Variants in ST6GALNAC3 observed in about 807,000 individuals in gnomAD.
ST6GALNAC3 encodes the protein ST6 N-acetylgalactosaminide alpha-2,6-sialyltransferase 3, also known as alpha-N-acetylgalactosaminide alpha-2,6-sialyltransferase 3.
In ST6GALNAC3, 25 loss-of-function variants were observed where a neutral mutation model predicts 32.7. The observed-to-expected ratio is 0.76, with a 90% CI of 0.56 to 1.07. The LOEUF (loss-of-function observed/expected upper bound fraction) is 1.07. Ranked by LOEUF, ST6GALNAC3 falls within the 50% of genes least tolerant of loss-of-function variation. The pLI is 0.00. For synonymous variants in ST6GALNAC3, 129 were observed against 133.1 expected, an observed-to-expected ratio of 0.97 and a Z score of 0.21; for missense variants, 355 against 382.4, an observed-to-expected ratio of 0.93 and a Z score of 0.60.
chr1:76,217,496 C>T (rs1655530588), intron 1 of ST6GALNAC3, among the ~76,000 whole-genome samples: 1 of 152,158 alleles, frequency 6.6e-6, no homozygotes, highest in Non-Finnish European at 1.5e-5. Context: ...TTCCTTGTGA[C>T]TTTGCAAACA....
intron 1 of ST6GALNAC3, among the ~76,000 whole-genome samples, chr1:76,124,631 T>C (rs1204805132): frequency 6.6e-6 from 1 of 152,202 alleles, no homozygotes; most frequent in East Asian, 1.9e-4. Context: ...GCCCCAACTT[T>C]TTTCCCTCTT....
chr1:76,479,882 G>T (rs564277186), intron 3 of ST6GALNAC3, among the ~76,000 whole-genome samples: 1 of 151,942 alleles, frequency 6.6e-6, no homozygotes, highest in East Asian at 1.9e-4. Flanking sequence ...AAACTTAAAA[G>T]ATTTATAAGC....
At chr1:76,077,586 C>T (rs1177845241) in intron 1 of ST6GALNAC3, among the ~76,000 whole-genome samples, 4 of 152,138 alleles carry the variant, frequency 2.6e-5, no homozygotes, top group African/African-American at 9.6e-5. Flanking sequence ...TGGGCTGGGG[C>T]AGTCGATTGT....
intron 3 of ST6GALNAC3, among the ~76,000 whole-genome samples, chr1:76,538,962 A>G (rs878923809): frequency 1.3e-5 from 2 of 152,236 alleles, no homozygotes; most frequent in Non-Finnish European, 2.9e-5. Flanking sequence ...TATAGATTCA[A>G]TGCTATTCCC....
At chr1:76,081,960 G>A (rs1165284427) in intron 1 of ST6GALNAC3, among the ~76,000 whole-genome samples, 1 of 152,090 alleles carries the variant, frequency 6.6e-6, no homozygotes, top group Non-Finnish European at 1.5e-5. Context: ...AAGTGGAAAT[G>A]GCAAAAAACG....
chr1:76,168,006 G>T (rs1652236404), intron 1 of ST6GALNAC3, among the ~76,000 whole-genome samples: 1 of 151,610 alleles, frequency 6.6e-6, no homozygotes, highest in Non-Finnish European at 1.5e-5. Flanking sequence ...CTCTGATTTT[G>T]GTTATTTCTT....
intron 3 of ST6GALNAC3, among the ~76,000 whole-genome samples, chr1:76,505,016 T>C (rs1251168358): frequency 6.6e-6 from 1 of 152,184 alleles, no homozygotes; most frequent in Non-Finnish European, 1.5e-5. Context: ...TCCGTCATAG[T>C]CCTGCTAAAC....
At chr1:76,281,852 G>A (rs1216015614) in intron 1 of ST6GALNAC3, among the ~76,000 whole-genome samples, 2 of 152,122 alleles carry the variant, frequency 1.3e-5, no homozygotes, top group African/African-American at 4.8e-5. Flanking sequence ...GACCGAATTG[G>A]CAGTAAGGAA....
intron 1 of ST6GALNAC3, among the ~76,000 whole-genome samples, chr1:76,274,148 A>C (rs1659007577): frequency 6.6e-6 from 1 of 152,202 alleles, no homozygotes; most frequent in Non-Finnish European, 1.5e-5. Flanking sequence ...CTCAATAATA[A>C]AAACTTCTCA....
At chr1:76,078,434 C>T (rs372309362) in intron 1 of ST6GALNAC3, among the ~76,000 whole-genome samples, 24 of 152,120 alleles carry the variant, frequency 1.6e-4, no homozygotes, top group South Asian at 2.1e-4. Context: ...CGTAACAGAA[C>T]GATGATCACT....
At chr1:76,492,305 G>A (rs1173466883) in intron 3 of ST6GALNAC3, among the ~76,000 whole-genome samples, 2 of 151,934 alleles carry the variant, frequency 1.3e-5, no homozygotes, top group African/African-American at 2.4e-5. Context: ...TTCATGGGAA[G>A]TAAAATAAAA....
At chr1:76,119,526 G>C (rs1037196616) in intron 1 of ST6GALNAC3, among the ~76,000 whole-genome samples, 12 of 152,156 alleles carry the variant, frequency 7.9e-5, no homozygotes, top group African/African-American at 2.9e-4. Context: ...TTATGTGAGG[G>C]ATGGTGTATT....
intron 1 of ST6GALNAC3, among the ~76,000 whole-genome samples, chr1:76,285,208 C>A (rs1659708206): frequency 6.6e-6 from 1 of 152,184 alleles, no homozygotes; most frequent in South Asian, 2.1e-4. Flanking sequence ...AAGCTTAGAT[C>A]TTTGCATTCC....
chr1:76,383,528 T>C (rs1471151276), intron 2 of ST6GALNAC3, among the ~76,000 whole-genome samples: 1 of 149,982 alleles, frequency 6.7e-6, no homozygotes, highest in Admixed American at 6.7e-5. Flanking sequence ...GACCTCAGCC[T>C]CCCAAAGTGC....
At chr1:76,168,707 T>C (rs1652285589) in intron 1 of ST6GALNAC3, among the ~76,000 whole-genome samples, 1 of 152,206 alleles carries the variant, frequency 6.6e-6, no homozygotes, top group South Asian at 2.1e-4. Context: ...ATTGAACCCT[T>C]TATCATATGT....
At chr1:76,168,717 T>C (rs780695547) in intron 1 of ST6GALNAC3, among the ~76,000 whole-genome samples, 5 of 152,210 alleles carry the variant, frequency 3.3e-5, no homozygotes, top group Non-Finnish European at 7.4e-5. Flanking sequence ...TTATCATATG[T>C]AATGCCCTTC....
At chr1:76,477,763 A>C (rs1295994490) in intron 3 of ST6GALNAC3, among the ~76,000 whole-genome samples, 1 of 152,148 alleles carries the variant, frequency 6.6e-6, no homozygotes, top group South Asian at 2.1e-4. Flanking sequence ...CAATTCATTC[A>C]GTCATTTACC....
intron 1 of ST6GALNAC3, among the ~76,000 whole-genome samples, chr1:76,139,965 T>G (rs1340559808): frequency 6.6e-6 from 1 of 152,234 alleles, no homozygotes; most frequent in African/African-American, 2.4e-5. Flanking sequence ...TCAATCCTAA[T>G]GCCAAAACGA....
At chr1:76,405,477 G>A (rs1055485155) in intron 2 of ST6GALNAC3, among the ~76,000 whole-genome samples, 1 of 152,040 alleles carries the variant, frequency 6.6e-6, no homozygotes, top group Non-Finnish European at 1.5e-5. Flanking sequence ...AGGGCAATTT[G>A]TCAGGTTCAT....
Sources: allele counts gnomAD v4.1 joint callset (sites outside exome capture counted in the v4.1 genomes callset), GRCh38; gene constraint gnomAD v4.1.1; transcripts MANE v1.5; gene names NCBI Gene and HGNC (gene_info 2026-07-23, HGNC 2026-07-21).